The following PCDHA3 variants were observed in gnomAD, a reference collection of about 807,000 sequenced individuals.
The protein encoded by PCDHA3 is protocadherin alpha-3.
PCDHA3 carries 41 observed loss-of-function variants against 62.2 expected under a neutral mutation model. The observed-to-expected ratio is 0.66, with a 90% confidence interval of 0.51 to 0.86. The LOEUF is 0.86. Ranked by LOEUF, PCDHA3 falls within the 40% of genes least tolerant of loss-of-function variation. The probability of loss-of-function intolerance (pLI) is 0.00; values close to 1 mark genes in which losing one functional copy is unlikely to be tolerated. For missense variants in PCDHA3, 1,304 were observed against 1,241.2 expected, an observed-to-expected ratio of 1.05 and a Z score of -0.76; for synonymous variants, 640 against 555.4, an observed-to-expected ratio of 1.15 and a Z score of -2.14.
chr5:140,843,424 C>A (rs1266105482), intron 1 of PCDHA3: 2 of 1,596,008 alleles, frequency 1.3e-6, no homozygotes, highest in Non-Finnish European at 1.7e-6. Flanking sequence ...TGTACCTGAT[C>A]ATCGCCATCT....
chr5:140,857,359 G>A lies in PCDHA3; in HGVS notation c.2394+53768G>A, dbSNP rs200721411. The A allele has an allele frequency of 2.9e-5, 46 of 1,598,282 alleles. 7 individuals carry two copies. The highest frequency in any genetic ancestry group is 3.8e-5 in the Non-Finnish European group (44 of 1,167,900). ...GGGGCTCGCCTCCGCTGTGGGCCAC[G>A]GCCAGCGTGTCTGTGGAGGTGGCCG... On this transcript the variant is annotated intron_variant, in intron 1 of 3. Coordinates refer to ENST00000522353, the MANE Select transcript of PCDHA3 (RefSeq NM_018906.3).
In PCDHA3 at chr5:140,829,776, C is replaced by A. The variant is rs2150174390; in HGVS notation, c.2394+26185C>A. On this transcript the variant is annotated intron_variant, in intron 1 of 3. Coordinates refer to ENST00000522353, the MANE Select transcript of PCDHA3 (RefSeq NM_018906.3). The stretch of plus-strand genomic sequence containing the variant: ...TTCGTGCTGGACGAGAACGACAACG[C>A]GCCGGCGCTGCTGGCGCCTCGGGTG... The A allele has an allele frequency of 9.3e-6, 15 of 1,613,686 alleles. No homozygotes were observed. In the East Asian group the frequency reaches 3.3e-4, roughly 36 times the overall value.
chr5:140,979,961 C>G (rs1554241296), intron 2 of PCDHA3, among the ~76,000 whole-genome samples: 1 of 152,054 alleles, frequency 6.6e-6, no homozygotes, highest in Non-Finnish European at 1.5e-5. Context: ...TAGTTTTAGC[C>G]CATTAAAATG....
At chr5:140,835,626 C>A (rs782043218) in intron 1 of PCDHA3, 2 of 1,613,880 alleles carry the variant, frequency 1.2e-6, no homozygotes. Context: ...CGCTCTGGAC[C>A]GCGAGAGTGT....
Position 140,928,140 on chromosome 5 carries a change from G to GGCC in PCDHA3, c.2395-50808_2395-50806dup. 3 of 1,614,154 alleles carry GGCC rather than the reference G, an allele frequency of 1.9e-6. No homozygotes were observed. The South Asian group carries it at 3.3e-5, about 18-fold the overall frequency. On this transcript the variant is annotated intron_variant, in intron 1 of 3. Transcript: ENST00000522353. ...TCAGTGAATACCAAGTCCTGATCAC[G>GGCC]GCCTCAGATAGTGGCTCACCCCCAC...
At chr5:140,924,263 G>T (rs1292368780) in intron 1 of PCDHA3, among the ~76,000 whole-genome samples, 3 of 152,148 alleles carry the variant, frequency 2.0e-5, no homozygotes, top group African/African-American at 7.2e-5. Context: ...ATCTAATGAG[G>T]TCTGTACTTG....
At chr5:141,004,117 G>A (rs2098153806) in intron 3 of PCDHA3, among the ~76,000 whole-genome samples, 1 of 152,236 alleles carries the variant, frequency 6.6e-6, no homozygotes. Flanking sequence ...TCAAAAGGGA[G>A]TATCTCCATG....
intron 1 of PCDHA3, chr5:140,870,851 C>T: frequency 6.2e-7 from 1 of 1,613,838 alleles, no homozygotes; most frequent in Non-Finnish European, 8.5e-7. Context: ...GTACCGCGGT[C>T]GGTGGGTGCG....
chr5:140,946,629 T>TATATATATATATATATATATAC (rs1367833800), intron 1 of PCDHA3, among the ~76,000 whole-genome samples: 1 of 123,274 alleles, frequency 8.1e-6, no homozygotes, highest in African/African-American at 3.0e-5. Context: ...TATATATATA[T>TATATATATATATATATATATAC]ATACAATGGA....
chr5:140,982,772 A>T (rs144366377), intron 3 of PCDHA3, among the ~76,000 whole-genome samples: 67 of 152,052 alleles, frequency 4.4e-4, no homozygotes, highest in African/African-American at 1.5e-3. Context: ...TAACAAGGAA[A>T]GTGTGTGTGC....
chr5:140,829,603 G>T lies in PCDHA3; in HGVS notation c.2394+26012G>T, dbSNP rs2150171045. On this transcript the variant is annotated intron_variant, in intron 1 of 3. Transcript: ENST00000522353. ...AGCGGCGGGTGGGCGAGCGCGCGTT[G>T]TCGAGCTACATTTCGGTGCACGCGG... The T allele has an allele frequency of 1.9e-6, 3 of 1,612,072 alleles. No individual in the cohort carries two copies. In the South Asian group the frequency reaches 3.3e-5, roughly 18 times the overall value.
chr5:140,909,011 T>G (rs998704146), intron 1 of PCDHA3, among the ~76,000 whole-genome samples: 1 of 152,170 alleles, frequency 6.6e-6, no homozygotes, highest in Non-Finnish European at 1.5e-5. Flanking sequence ...AGGTAGAAGG[T>G]TCCTGAATTT....
intron 1 of PCDHA3, among the ~76,000 whole-genome samples, chr5:140,961,765 T>C (rs2095634679): frequency 6.6e-6 from 1 of 152,244 alleles, no homozygotes; most frequent in African/African-American, 2.4e-5. Flanking sequence ...AAGGAATTTA[T>C]ATCAAGCTTA....
intron 1 of PCDHA3, chr5:140,836,287 G>C: frequency 6.2e-7 from 1 of 1,613,786 alleles, no homozygotes; most frequent in Non-Finnish European, 8.5e-7. Context: ...AGCACGACAC[G>C]AGCCCTAGAT....
chr5:140,884,358 A>G lies in PCDHA3; in HGVS notation c.2394+80767A>G, dbSNP rs546242835. On this transcript the variant is annotated intron_variant, in intron 1 of 3. Coordinates refer to ENST00000522353, the MANE Select transcript of PCDHA3 (RefSeq NM_018906.3). Reference sequence around the variant, plus strand: ...CCAGAAGCGGCGCTGGTGGATGTCAATGTTTACTTGATCATTGCCATCTGC... The same window carrying G: ...CCAGAAGCGGCGCTGGTGGATGTCAGTGTTTACTTGATCATTGCCATCTGC... The G allele has an allele frequency of 7.8e-5, 126 of 1,613,886 alleles. 3 individuals carry two copies. The South Asian group carries it at 1.1e-3, about 14-fold the overall frequency.
intron 1 of PCDHA3, chr5:140,928,449 G>A (rs1225507568): frequency 3.7e-6 from 6 of 1,614,136 alleles, no homozygotes; most frequent in Non-Finnish European, 5.1e-6. Context: ...AGCAGCTCAG[G>A]GGGTTTCATT....
intron 1 of PCDHA3, among the ~76,000 whole-genome samples, chr5:140,821,358 A>G (rs1766954741): frequency 1.3e-5 from 2 of 152,132 alleles, no homozygotes; most frequent in South Asian, 4.1e-4. Context: ...CTTTAGATGT[A>G]TTTTTCTGTA....
chr5:140,850,523 A>G (rs2150487907), intron 1 of PCDHA3: 1 of 1,598,226 alleles, frequency 6.3e-7, no homozygotes, highest in Non-Finnish European at 8.6e-7. Flanking sequence ...GCCAGGCGCC[A>G]AAGTCATCGT....
At chr5:140,806,869 C>A (rs1157742828) in intron 1 of PCDHA3, 1 of 379,890 alleles carries the variant, frequency 2.6e-6, no homozygotes, top group South Asian at 3.8e-5. Flanking sequence ...CAATGTGTAC[C>A]ACAGTAGTAC....
Sources: gnomAD v4.1 joint callset for allele counts (sites outside exome capture counted in the v4.1 genomes callset) on GRCh38, gnomAD v4.1.1 for gene constraint, MANE v1.5 for transcripts, NCBI Gene and HGNC (gene_info 2026-07-23, HGNC 2026-07-21) for gene names.